PTPRT: variants seen among roughly 807,000 people sequenced by gnomAD.
PTPRT encodes receptor-type tyrosine-protein phosphatase T.
In PTPRT, 56 loss-of-function variants were observed where a neutral mutation model predicts 176.8. That is an observed-to-expected ratio of 0.32 (90% confidence interval 0.26 to 0.40). PTPRT has a LOEUF of 0.40. Among genes scored for constraint, PTPRT ranks in the 10% least tolerant of loss-of-function variants. The probability of loss-of-function intolerance (pLI) is 1.00; values close to 1 mark genes in which losing one functional copy is unlikely to be tolerated. For missense variants in PTPRT, 1,540 were observed against 1,908.2 expected (o/e 0.81, Z 3.60); for synonymous variants, 783 against 739.0 (o/e 1.06, Z -0.96).
At chr20:42,953,123 G>C (rs1600588862) in intron 1 of PTPRT, among the ~76,000 whole-genome samples, 1 of 152,314 alleles carries the variant, frequency 6.6e-6, no homozygotes, top group East Asian at 1.9e-4. Context: ...CCAACCCAAA[G>C]GAAGTTCTGA....
chr20:43,184,897 G>T (rs1000310740), intron 1 of PTPRT, among the ~76,000 whole-genome samples: 6 of 152,044 alleles, frequency 3.9e-5, no homozygotes, highest in Admixed American at 3.3e-4. Flanking sequence ...CCATTATCCT[G>T]CTCATTTCTG....
At chr20:42,940,559 T>C (rs527854863) in intron 1 of PTPRT, among the ~76,000 whole-genome samples, 14 of 152,168 alleles carry the variant, frequency 9.2e-5, no homozygotes, top group South Asian at 2.1e-4. Context: ...CATTGGAGCA[T>C]TGACAGTGTG....
At chr20:43,027,055 A>C (rs1985941584) in intron 1 of PTPRT, among the ~76,000 whole-genome samples, 1 of 152,162 alleles carries the variant, frequency 6.6e-6, no homozygotes, top group Non-Finnish European at 1.5e-5. Flanking sequence ...TATCTCTTCA[A>C]TATACTGAGT....
At chr20:42,093,331 C>T (rs1277223794) in intron 27 of PTPRT, among the ~76,000 whole-genome samples, 1 of 152,166 alleles carries the variant, frequency 6.6e-6, no homozygotes, top group Non-Finnish European at 1.5e-5. Flanking sequence ...TAGGATTTTA[C>T]CCCGCAAATC....
At chr20:42,581,599 A>T (rs1294362596) in intron 7 of PTPRT, among the ~76,000 whole-genome samples, 4 of 151,994 alleles carry the variant, frequency 2.6e-5, no homozygotes, top group Non-Finnish European at 4.4e-5. Flanking sequence ...TCATTTTTTT[A>T]AACATTACTC....
intron 1 of PTPRT, among the ~76,000 whole-genome samples, chr20:42,974,695 G>C (rs535088009): frequency 9.8e-5 from 15 of 152,342 alleles, no homozygotes; most frequent in Middle Eastern, 3.4e-3. Context: ...GCTAGAGACA[G>C]AGAAGAGGAA....
intron 6 of PTPRT, among the ~76,000 whole-genome samples, chr20:42,748,843 C>A (rs2076728035): frequency 6.6e-6 from 1 of 151,826 alleles, no homozygotes; most frequent in Non-Finnish European, 1.5e-5. Context: ...GGGTTCTACA[C>A]TGAATCCCAG....
Position 42,252,077 on chromosome 20 carries a change from T to C in PTPRT, c.2177-3255A>G, listed in dbSNP as rs12625354. Reference sequence around the variant, plus strand: ...CAGATGTGATAAAAGAGACAATTACTTGAAATAGTTATAGATAAAATCTGT... The same window carrying C: ...CAGATGTGATAAAAGAGACAATTACCTGAAATAGTTATAGATAAAATCTGT... On this transcript the variant is annotated intron_variant, in intron 13 of 30. Transcript: ENST00000373187. Among the ~76,000 whole-genome samples the C allele has an allele frequency of 6.3e-3, 957 of 152,222 alleles. 17 individuals are homozygous for C. Among genetic ancestry groups the C allele is most frequent in the Admixed American group, 0.04 (606 of 15,278 alleles).
intron 9 of PTPRT, among the ~76,000 whole-genome samples, chr20:42,355,302 T>C (rs1293075832): frequency 3.9e-5 from 6 of 152,150 alleles, no homozygotes; most frequent in African/African-American, 1.4e-4. Flanking sequence ...ACAGTGATGA[T>C]TGGCTACTTT....
intron 1 of PTPRT, among the ~76,000 whole-genome samples, chr20:43,107,777 C>CTG (rs1307706691): frequency 2.0e-5 from 3 of 152,146 alleles, no homozygotes; most frequent in African/African-American, 7.2e-5. Flanking sequence ...CGTAACATAG[C>CTG]TGTGTGTGTG....
At chr20:43,116,680 C>G (rs2013071413) in intron 1 of PTPRT, among the ~76,000 whole-genome samples, 1 of 152,198 alleles carries the variant, frequency 6.6e-6, no homozygotes, top group African/African-American at 2.4e-5. Context: ...CCACTATCAC[C>G]ACTGCTTTCC....
chr20:42,500,865 G>A (rs1460338235), intron 7 of PTPRT, among the ~76,000 whole-genome samples: 1 of 151,990 alleles, frequency 6.6e-6, no homozygotes, highest in East Asian at 1.9e-4. Context: ...TGATTAATGT[G>A]GTAATTACAT....
intron 1 of PTPRT, among the ~76,000 whole-genome samples, chr20:42,962,569 A>G (rs1257698129): frequency 6.6e-6 from 1 of 152,246 alleles, no homozygotes; most frequent in Non-Finnish European, 1.5e-5. Flanking sequence ...ATGGATAAAC[A>G]TTTATATAAG....
At chr20:42,393,796 G>C (rs1484463797) in intron 9 of PTPRT, among the ~76,000 whole-genome samples, 1 of 152,116 alleles carries the variant, frequency 6.6e-6, no homozygotes, top group Non-Finnish European at 1.5e-5. Flanking sequence ...TTTTTAGTGT[G>C]CAATTTTACA....
chr20:42,524,605 A>T (rs983985968), intron 7 of PTPRT, among the ~76,000 whole-genome samples: 1 of 152,022 alleles, frequency 6.6e-6, no homozygotes, highest in Non-Finnish European at 1.5e-5. Context: ...GTGTCTTTTG[A>T]TTCTTTCTTA....
At chr20:42,216,201 T>G (rs2055766740) in intron 15 of PTPRT, among the ~76,000 whole-genome samples, 1 of 152,152 alleles carries the variant, frequency 6.6e-6, no homozygotes, top group African/African-American at 2.4e-5. Flanking sequence ...CTGCCTCCTC[T>G]CACCCTGACC....
chr20:42,582,890 G>C (rs745474378), intron 7 of PTPRT, among the ~76,000 whole-genome samples: 1 of 152,000 alleles, frequency 6.6e-6, no homozygotes, highest in Non-Finnish European at 1.5e-5. Flanking sequence ...CGTTCATTTC[G>C]TTCATCCAGG....
intron 1 of PTPRT, among the ~76,000 whole-genome samples, chr20:43,093,029 T>C (rs1428551509): frequency 6.6e-6 from 1 of 152,170 alleles, no homozygotes; most frequent in Non-Finnish European, 1.5e-5. Context: ...AAAAGGGATA[T>C]CAAGTGCTAA....
intron 14 of PTPRT, among the ~76,000 whole-genome samples, chr20:42,236,536 T>C (rs1024448782): frequency 6.6e-6 from 1 of 152,010 alleles, no homozygotes; most frequent in Non-Finnish European, 1.5e-5. Flanking sequence ...TTGGCTGTTG[T>C]AGTTGGTTCA....
Sources: gnomAD v4.1 joint callset for allele counts (sites outside exome capture counted in the v4.1 genomes callset) on GRCh38, gnomAD v4.1.1 for gene constraint, MANE v1.5 for transcripts, NCBI Gene and HGNC (gene_info 2026-07-23, HGNC 2026-07-21) for gene names.